Variants in SLC24A1 observed in about 807,000 individuals in gnomAD.
SLC24A1 encodes the protein solute carrier family 24 member 1, also known as sodium/potassium/calcium exchanger 1.
Under a neutral mutation model 88.1 loss-of-function variants are expected in SLC24A1, and 52 were observed. That is an observed-to-expected ratio of 0.59 (90% CI 0.47 to 0.74). SLC24A1 has a LOEUF of 0.74. Among genes scored for constraint, SLC24A1 ranks in the 30% least tolerant of loss-of-function variants. The pLI, the probability that SLC24A1 is intolerant of heterozygous loss-of-function variation, is 0.00. For synonymous variants in SLC24A1, 455 were observed against 498.0 expected (o/e 0.91, Z 1.15); for missense variants, 1,173 against 1,363.3 (o/e 0.86, Z 2.20).
In SLC24A1 at chr15:65,652,741, C is replaced by T. The variant is rs762665302; in HGVS notation, c.2983C>T (p.Arg995Ter). ...PDLITSVIVA[R>*]KGLGDMAVSS... ...CCTCATCACCAGTGTGATTGTCGCT[C>T]GAAAAGGCCTGGGAGACATGGCTGT... Residue 995 changes from arginine (R) to a stop codon, truncating the protein, a stop_gained, in exon 9 of 10, where the codon CGA becomes TGA. Coordinates refer to ENST00000261892, the MANE Select transcript of SLC24A1 (RefSeq NM_004727.3). LOFTEE classifies it high-confidence loss of function. 7.4e-6 allele frequency: 12 copies of T among 1,613,564 alleles called. No homozygotes were observed. The highest frequency in any genetic ancestry group is 4.5e-5 in the East Asian group (2 of 44,882).
chr15:65,631,223 A>G (rs1395954458), intron 2 of SLC24A1, among the ~76,000 whole-genome samples: 1 of 152,228 alleles, frequency 6.6e-6, no homozygotes, highest in African/African-American at 2.4e-5. Flanking sequence ...ATGGGATTCA[A>G]TATGAAATTA....
chr15:65,659,458 C>T (rs1337073613), downstream of SLC24A1: 1 of 150,530 alleles, frequency 6.6e-6, no homozygotes, highest in Non-Finnish European at 1.5e-5. Flanking sequence ...CTTCAGCCTC[C>T]CGAGTAGCTG....
chr15:65,630,752 C>T (rs926779788), intron 2 of SLC24A1, among the ~76,000 whole-genome samples: 1 of 152,192 alleles, frequency 6.6e-6, no homozygotes, highest in African/African-American at 2.4e-5. Flanking sequence ...GGGTGGATCA[C>T]TTGAGGTCAG....
At chr15:65,642,725 G>A (rs1451677136) in intron 4 of SLC24A1, among the ~76,000 whole-genome samples, 1 of 152,202 alleles carries the variant, frequency 6.6e-6, no homozygotes, top group Non-Finnish European at 1.5e-5. Flanking sequence ...ACATGTCATA[G>A]TGGCTCTACC....
intron 4 of SLC24A1, among the ~76,000 whole-genome samples, chr15:65,642,172 T>C (rs1236619718): frequency 6.6e-6 from 1 of 152,154 alleles, no homozygotes; most frequent in Non-Finnish European, 1.5e-5. Flanking sequence ...GGGCCTTTGT[T>C]CCCCAGGCTC....
chr15:65,625,527 G>C lies in SLC24A1; in HGVS notation c.1447G>C (p.Val483Leu). The change falls in exon 2 of 10, where the codon GTC becomes CTC. Residue 483 changes from valine (V) to leucine (L), a missense_variant. Physicochemically the swap from Val to Leu is conservative, Grantham distance 32. Transcript: ENST00000261892. ...CDEYFVPALG[V>L]ITDKLQISED... ...CGAGTACTTCGTTCCAGCCCTGGGTGTCATCACAGACAAGCTGCAGATCTC... is the reference window on the plus strand; with the variant it reads ...CGAGTACTTCGTTCCAGCCCTGGGTCTCATCACAGACAAGCTGCAGATCTC... The C allele has an allele frequency of 6.2e-7, 1 of 1,614,044 alleles. No homozygotes were observed.
chr15:65,658,421 A>G (rs904540803), downstream of SLC24A1: 1 of 152,226 alleles, frequency 6.6e-6, no homozygotes, highest in Non-Finnish European at 1.5e-5. Flanking sequence ...AAAGTGCCAA[A>G]TAGCAGCTTT....
chr15:65,652,765 G>C lies in SLC24A1; in HGVS notation c.3007G>C (p.Val1003Leu). ...VARKGLGDMA[V>L]SSSVGSNIFD... ...TCGAAAAGGCCTGGGAGACATGGCT[G>C]TGTCAAGCTCTGTGGGCAGTAACAT... Residue 1003 changes from valine (V) to leucine (L), a missense_variant, in exon 9 of 10, where the codon GTG (valine) becomes CTG (leucine). Transcript: ENST00000261892. 1 of 1,613,346 alleles carries C rather than the reference G, an allele frequency of 6.2e-7. No individual in the cohort carries two copies. The highest frequency in any genetic ancestry group is 1.1e-5 in the South Asian group (1 of 91,046).
chr15:65,638,258 G>A, intron 3 of SLC24A1, 77 bp downstream of exon 3: 1 of 1,056,416 alleles, frequency 9.5e-7, no homozygotes, highest in East Asian at 2.6e-5. Flanking sequence ...GGGTATTGTG[G>A]CCCTGTGCTG....
Position 65,624,368 on chromosome 15 carries a change from A to G in SLC24A1, c.288A>G (p.Ser96=). ...GTAAGATGCTGGTACCCCAAGCCTCAGTGGGCAGTGATGAAGCAACACTGA... is the reference window on the plus strand; with the variant it reads ...GTAAGATGCTGGTACCCCAAGCCTCGGTGGGCAGTGATGAAGCAACACTGA... ...MGGKMLVPQA[S]VGSDEATLSM... is the part of the protein sequence containing the mutation. Residue 96 remains serine, a synonymous_variant, in exon 2 of 10, where the codon TCA becomes TCG. Coordinates refer to ENST00000261892, the MANE Select transcript of SLC24A1 (RefSeq NM_004727.3). 1 of 1,613,764 alleles carries G rather than the reference A, an allele frequency of 6.2e-7. No homozygotes were observed. Among genetic ancestry groups the G allele is most frequent in the Non-Finnish European group, 8.5e-7 (1 of 1,179,794 alleles).
Position 65,645,429 on chromosome 15 carries a change from G to C in SLC24A1, c.2141-183G>C, listed in dbSNP as rs1257404491. On this transcript the variant is annotated intron_variant, in intron 5 of 9. Coordinates refer to ENST00000261892, the MANE Select transcript of SLC24A1 (RefSeq NM_004727.3). ...CTTGCCAACTGTCTTCTCATCTGCAGATAGGTCAGGGCAATAACAATTCAC... is the reference window on the plus strand; with the variant it reads ...CTTGCCAACTGTCTTCTCATCTGCACATAGGTCAGGGCAATAACAATTCAC... 3.3e-5 allele frequency among the ~76,000 whole-genome samples: 5 copies of C among 152,226 alleles called. No individual in the cohort carries two copies. In the East Asian group the frequency reaches 9.6e-4, roughly 29 times the overall value.
chr15:65,624,567 G>A lies in SLC24A1; in HGVS notation c.487G>A (p.Val163Ile). The A allele has an allele frequency of 6.3e-7, 1 of 1,595,750 alleles. No homozygotes were observed. The highest frequency in any genetic ancestry group is 8.5e-7 in the Non-Finnish European group (1 of 1,171,046). Reference protein sequence around the residue: ...YYTSTSSRQIVKKYTPTPRGE... With the variant: ...YYTSTSSRQIIKKYTPTPRGE... ...CACCTCAACTTCAAGCAGACAAATA[G>A]TAAAAAAGTATACCCCAACACCCAG... is the stretch of plus-strand genomic sequence containing the variant. Residue 163 changes from valine (V) to isoleucine (I), a missense_variant, in exon 2 of 10, where the codon GTA (valine) becomes ATA (isoleucine). By Grantham distance (29) the Val-to-Ile change is conservative (BLOSUM62 3). Transcript: ENST00000261892.
At chr15:65,652,511 C>A (rs2075541464) in intron 8 of SLC24A1, 131 bp from the exon 9 acceptor site, 1 of 743,566 alleles carries the variant, frequency 1.3e-6, no homozygotes, top group Non-Finnish European at 2.2e-6. Flanking sequence ...CCCTATCACC[C>A]TTCCTCACTC....
At chr15:65,632,623 G>T (rs1566953270) in intron 2 of SLC24A1, among the ~76,000 whole-genome samples, 2 of 152,190 alleles carry the variant, frequency 1.3e-5, no homozygotes, top group East Asian at 1.9e-4. Context: ...CAGATAGTCT[G>T]GGAGTAATCC....
intron 2 of SLC24A1, among the ~76,000 whole-genome samples, chr15:65,628,699 A>G (rs965349933): frequency 1.3e-5 from 2 of 152,242 alleles, no homozygotes; most frequent in Non-Finnish European, 2.9e-5. Context: ...TCTGGGTTTT[A>G]AGCCAGGTTC....
intron 6 of SLC24A1, among the ~76,000 whole-genome samples, chr15:65,649,192 A>G (rs1302284274): frequency 6.6e-6 from 1 of 151,998 alleles, no homozygotes; most frequent in Non-Finnish European, 1.5e-5. Context: ...AACTTCTACC[A>G]CCCAGGTTCA....
downstream of SLC24A1, chr15:65,658,158 A>G (rs889475958): frequency 1.3e-5 from 2 of 152,218 alleles, no homozygotes; most frequent in African/African-American, 4.8e-5. Flanking sequence ...GTGTACTGCT[A>G]ATTTTGTTAA....
chr15:65,638,606 G>A (rs1047681627), intron 3 of SLC24A1, among the ~76,000 whole-genome samples: 2 of 152,330 alleles, frequency 1.3e-5, no homozygotes, highest in East Asian at 1.9e-4. Context: ...GAACTGGAGA[G>A]GACAGGAGTC....
In SLC24A1 at chr15:65,654,447, A is replaced by G. The variant is rs1566968878; in HGVS notation, c.*368A>G. 5 of 1,163,914 alleles carry G rather than the reference A, an allele frequency of 4.3e-6. 1 individual carries two copies. Among genetic ancestry groups the G allele is most frequent in the Non-Finnish European group, 2.1e-6 (2 of 935,844 alleles). 72.1% of individuals were successfully genotyped at this position (1,163,914 alleles called of 1,614,324 possible). On this transcript the variant is annotated 3_prime_UTR_variant, in exon 10 of 10. Transcript: ENST00000261892. ...CTCCTACGCTCACTGTTCCCTGATC[A>G]TTCCAAAGGCTGCTGGCCCAAAAGA...
Sources: allele counts gnomAD v4.1 joint callset (sites outside exome capture counted in the v4.1 genomes callset), GRCh38; gene constraint gnomAD v4.1.1; transcripts MANE v1.5; gene names NCBI Gene and HGNC (gene_info 2026-07-23, HGNC 2026-07-21).